PCDHGA4: variants seen among roughly 807,000 people sequenced by gnomAD.
PCDHGA4 encodes protocadherin gamma subfamily A, 4, also known as protocadherin gamma-A4.
In PCDHGA4, 38 loss-of-function variants were observed where a neutral mutation model predicts 54.6. The ratio of observed to expected loss-of-function variants is 0.70; its 90% confidence interval spans 0.54 to 0.91. The LOEUF (loss-of-function observed/expected upper bound fraction) is 0.91. Among genes scored for constraint, PCDHGA4 ranks in the 40% least tolerant of loss-of-function variants. PCDHGA4 has a pLI of 0.00. For synonymous variants in PCDHGA4, 511 were observed against 512.9 expected, an observed-to-expected ratio of 1.00 and a Z score of 0.05; for missense variants, 1,298 against 1,220.9, an observed-to-expected ratio of 1.06 and a Z score of -0.94.
rs762738990 is a variant in PCDHGA4, at chr5:141,404,672, G to C, written c.2514+47051G>C. 8.0e-5 allele frequency: 129 copies of C among 1,614,038 alleles called. 1 individual carries two copies. The South Asian group carries it at 1.4e-3, about 18-fold the overall frequency. ...TGCCCTCCCCACTGATGGTTCTACT[G>C]GTGTGGAGCTGGCACCCCGCTCTGC... On this transcript the variant is annotated intron_variant, in intron 1 of 3. Coordinates refer to ENST00000571252, the MANE Select transcript of PCDHGA4 (RefSeq NM_018917.4).
At chr5:141,402,953 A>G in intron 1 of PCDHGA4, 3 of 1,597,298 alleles carry the variant, frequency 1.9e-6, no homozygotes, top group Middle Eastern at 1.7e-4. Context: ...CGAGGCAGCA[A>G]TGGCAGCTCC....
Position 141,489,463 on chromosome 5 carries a change from T to C in PCDHGA4, c.2515-5344T>C. ...GGGCTCTGAGGAGAATGGGCGCTAT[T>C]TTTCCCTGAGCTTGATGAGTGGTGC... On this transcript the variant is annotated intron_variant, in intron 1 of 3. Transcript: ENST00000571252. This position sits in a 1 kb window ranked among gnomAD's most constrained non-coding sequence, Gnocchi z 4.5. 6.2e-7 allele frequency: 1 copy of C among 1,614,050 alleles called. No individual in the cohort carries two copies. The highest frequency in any genetic ancestry group is 8.5e-7 in the Non-Finnish European group (1 of 1,180,002).
chr5:141,456,335 G>A (rs2098850730), intron 1 of PCDHGA4, among the ~76,000 whole-genome samples: 1 of 152,114 alleles, frequency 6.6e-6, no homozygotes. Flanking sequence ...TTGATCTAAG[G>A]GTCCTCGGAA....
intron 1 of PCDHGA4, chr5:141,402,898 T>C: frequency 6.6e-7 from 1 of 1,512,304 alleles, no homozygotes; most frequent in Non-Finnish European, 8.8e-7. Context: ...AGAAAGAACC[T>C]GATGAAGCAG....
rs368547508 is a variant in PCDHGA4, at chr5:141,366,079, A to T, written c.2514+8458A>T. On this transcript the variant is annotated intron_variant, in intron 1 of 3. Transcript: ENST00000571252. ...TGGAGCTGGCGCCTCGCTCCGCAGA[A>T]CCTGGCTACCTGGTGACCAAGGTGG... 100 of 1,614,102 alleles carry T rather than the reference A, an allele frequency of 6.2e-5. No homozygotes were observed. Among genetic ancestry groups the T allele is most frequent in the Non-Finnish European group, 8.1e-5 (95 of 1,180,048 alleles).
intron 1 of PCDHGA4, chr5:141,398,970 C>G (rs1320199481): frequency 6.2e-7 from 1 of 1,613,958 alleles, no homozygotes; most frequent in South Asian, 1.1e-5. Flanking sequence ...CTTATTCCTT[C>G]TACAGAACCG....
At position 141,374,771 on chromosome 5, in the gene PCDHGA4, G is replaced by A. The variant is rs1770825611; in HGVS notation, c.2514+17150G>A. 1 of 1,613,744 alleles carries A rather than the reference G, an allele frequency of 6.2e-7. No individual in the cohort carries two copies. The highest frequency in any genetic ancestry group is 8.5e-7 in the Non-Finnish European group (1 of 1,179,778). On this transcript the variant is annotated intron_variant, in intron 1 of 3. Transcript: ENST00000571252. ...CCGCTCAAGCGTCGCCCAAATTCTG[G>A]TAACAGTTCTAGATGTGAATGACAA...
intron 1 of PCDHGA4, chr5:141,439,998 G>A (rs2098143949): frequency 6.5e-6 from 1 of 153,152 alleles, no homozygotes; most frequent in Non-Finnish European, 1.5e-5. Context: ...TTGGTGGTGG[G>A]AAACCTTGCC....
chr5:141,421,926 C>T, intron 1 of PCDHGA4: 1 of 1,613,460 alleles, frequency 6.2e-7, no homozygotes, highest in Non-Finnish European at 8.5e-7. Context: ...GTGTGGTGGT[C>T]CTCGATGTAA....
At chr5:141,506,962 G>A (rs2099857578) in intron 3 of PCDHGA4, 1 of 152,196 alleles carries the variant, frequency 6.6e-6, no homozygotes, top group Non-Finnish European at 1.5e-5. Context: ...CCTCTCAATA[G>A]CTCTGCAAGG....
At chr5:141,393,289 AC>A in intron 1 of PCDHGA4, 2 of 1,613,936 alleles carry the variant, frequency 1.2e-6, no homozygotes, top group Non-Finnish European at 1.7e-6. Flanking sequence ...GAAGCTGTTG[AC>A]CCGGATGTGG....
chr5:141,480,240 CA>C lies in PCDHGA4; in HGVS notation c.2515-14552del, dbSNP rs11374694. 4.6e-3 allele frequency among the ~76,000 whole-genome samples: 522 copies of C among 113,846 alleles called. 1 individual carries two copies. Among genetic ancestry groups the C allele is most frequent in the Non-Finnish European group, 5.4e-3 (287 of 52,954 alleles). 74.7% of individuals were successfully genotyped at this position (113,846 alleles called of 152,430 possible). A position where few individuals can be genotyped will look rare whatever the true frequency, so the allele number is the denominator to read the frequency against. ...GCGACATAGTGAGATCCTGTCTCTACAAAAAAAAAAAAAAATGTGTTTTCAT... is the reference window on the plus strand; with the variant it reads ...GCGACATAGTGAGATCCTGTCTCTACAAAAAAAAAAAAAATGTGTTTTCAT... On this transcript the variant is annotated intron_variant, in intron 1 of 3. Coordinates refer to ENST00000571252, the MANE Select transcript of PCDHGA4 (RefSeq NM_018917.4).
intron 1 of PCDHGA4, chr5:141,383,710 G>A (rs1388027066): frequency 1.4e-5 from 22 of 1,613,874 alleles, no homozygotes; most frequent in Non-Finnish European, 1.9e-5. Flanking sequence ...CGACCTGGAC[G>A]AGGGAGTCAA....
intron 1 of PCDHGA4, chr5:141,419,330 C>G (rs2096361200): frequency 1.9e-6 from 3 of 1,613,958 alleles, no homozygotes; most frequent in Non-Finnish European, 2.5e-6. Context: ...CTCCTACTCT[C>G]TCATTGCCAG....
chr5:141,510,400 TA>T (rs780031896), intron 3 of PCDHGA4, among the ~76,000 whole-genome samples: 12 of 151,920 alleles, frequency 7.9e-5, no homozygotes, highest in Non-Finnish European at 1.3e-4. Flanking sequence ...TGGCAAAGGC[TA>T]GGGGCATGTA....
At chr5:141,504,384 C>G (rs2099837898) in intron 2 of PCDHGA4, among the ~76,000 whole-genome samples, 1 of 152,026 alleles carries the variant, frequency 6.6e-6, no homozygotes, top group South Asian at 2.1e-4. Flanking sequence ...GAGTCGCTGC[C>G]TCACAGAAGC....
intron 2 of PCDHGA4, among the ~76,000 whole-genome samples, chr5:141,495,452 C>G (rs543717781): frequency 1.3e-5 from 2 of 152,356 alleles, no homozygotes; most frequent in South Asian, 2.1e-4. Context: ...TTGTCCTGCT[C>G]TCTGTCTGTG....
intron 1 of PCDHGA4, among the ~76,000 whole-genome samples, chr5:141,481,148 C>G (rs2099532606): frequency 6.6e-6 from 1 of 152,176 alleles, no homozygotes; most frequent in Non-Finnish European, 1.5e-5. Context: ...AAGTGTTATT[C>G]TGGTATTTGC....
At chr5:141,464,056 G>C (rs2154568334) in intron 1 of PCDHGA4, among the ~76,000 whole-genome samples, 1 of 152,210 alleles carries the variant, frequency 6.6e-6, no homozygotes, top group East Asian at 1.9e-4. Context: ...CCTGAGGTCA[G>C]GAGTTCAAGG....
Sources: allele counts gnomAD v4.1 joint callset (sites outside exome capture counted in the v4.1 genomes callset), GRCh38; gene constraint gnomAD v4.1.1; non-coding constraint Gnocchi (gnomAD v3.1); transcripts MANE v1.5; gene names NCBI Gene and HGNC (gene_info 2026-07-23, HGNC 2026-07-21).